Variants in CCSER1 observed in about 807,000 individuals in gnomAD.
CCSER1 encodes the protein coiled-coil serine rich protein 1, also known as serine-rich coiled-coil domain-containing protein 1.
In CCSER1, 41 loss-of-function variants were observed where a neutral mutation model predicts 82.0. That is an observed-to-expected ratio of 0.50 (90% confidence interval 0.39 to 0.65). The LOEUF (loss-of-function observed/expected upper bound fraction) is 0.65. Among genes scored for constraint, CCSER1 ranks in the 30% least tolerant of loss-of-function variants. CCSER1 has a pLI of 0.00. For missense variants in CCSER1, 1,119 were observed against 1,064.2 expected (o/e 1.05, Z -0.72); for synonymous variants, 414 against 383.9 (o/e 1.08, Z -0.92).
chr4:91,336,091 G>A (rs185303099), intron 10 of CCSER1, among the ~76,000 whole-genome samples: 85 of 152,212 alleles, frequency 5.6e-4, no homozygotes, highest in Middle Eastern at 3.4e-3. Context: ...TACATAGTAA[G>A]AGGAAAAGTT....
intron 9 of CCSER1, among the ~76,000 whole-genome samples, chr4:90,964,475 CCA>C (rs1734343253): frequency 6.6e-6 from 1 of 151,018 alleles, no homozygotes; most frequent in Admixed American, 6.6e-5. Context: ...ACTTGTAATC[CCA>C]CACTTTGGGA....
intron 1 of CCSER1, among the ~76,000 whole-genome samples, chr4:90,167,520 A>G (rs1007096784): frequency 3.3e-5 from 5 of 152,064 alleles, no homozygotes; most frequent in African/African-American, 9.7e-5. Context: ...CATGTGCACA[A>G]TGTGCAGGTT....
chr4:91,329,910 T>A (rs78003578), intron 10 of CCSER1, among the ~76,000 whole-genome samples: 3 of 152,302 alleles, frequency 2.0e-5, no homozygotes, highest in African/African-American at 7.2e-5. Flanking sequence ...TCCCAGATAT[T>A]TGCTACTTTT....
intron 4 of CCSER1, among the ~76,000 whole-genome samples, chr4:90,461,060 T>TGCTC (rs1484495341): frequency 2.1e-5 from 2 of 97,450 alleles, no homozygotes; most frequent in African/African-American, 6.0e-5. Context: ...GCTATTTTTT[T>TGCTC]TTTTTTTTTT....
chr4:90,551,472 C>T (rs1489863218), intron 5 of CCSER1, among the ~76,000 whole-genome samples: 1 of 151,886 alleles, frequency 6.6e-6, no homozygotes, highest in Non-Finnish European at 1.5e-5. Flanking sequence ...GCCCAGCCTT[C>T]CCCTTCCCAT....
At chr4:90,614,517 A>G (rs1272557037) in intron 5 of CCSER1, among the ~76,000 whole-genome samples, 1 of 152,232 alleles carries the variant, frequency 6.6e-6, no homozygotes, top group Non-Finnish European at 1.5e-5. Context: ...CAGTGAGCAC[A>G]GGAATTATAA....
chr4:90,127,592 C>G lies in CCSER1; in HGVS notation c.-281C>G, dbSNP rs1462380550. The G allele has an allele frequency of 6.5e-6, 1 of 152,950 alleles. No homozygotes were observed. Among genetic ancestry groups the G allele is most frequent in the Non-Finnish European group, 1.5e-5 (1 of 68,578 alleles). 9.5% of individuals were successfully genotyped at this position (152,950 alleles called of 1,614,324 possible). A position where few individuals can be genotyped will look rare whatever the true frequency, so the allele number is the denominator to read the frequency against. On this transcript the variant is annotated 5_prime_UTR_variant, in exon 1 of 11. Coordinates refer to ENST00000509176, the MANE Select transcript of CCSER1 (RefSeq NM_001145065.2). The stretch of plus-strand genomic sequence containing the variant: ...TCCTCTCTCTCTCTCTCTGTCTCAA[C>G]ATGACTGACTGGGAAGCGGTGGCTC...
At chr4:90,225,691 A>T (rs1743035856) in intron 1 of CCSER1, among the ~76,000 whole-genome samples, 1 of 152,106 alleles carries the variant, frequency 6.6e-6, no homozygotes, top group African/African-American at 2.4e-5. Flanking sequence ...TTTGGTATAG[A>T]TCCTACTTGC....
chr4:90,459,709 T>G (rs555477847), intron 4 of CCSER1, among the ~76,000 whole-genome samples: 1 of 152,318 alleles, frequency 6.6e-6, no homozygotes, highest in Non-Finnish European at 1.5e-5. Context: ...ATAATGACAA[T>G]ATTTTAACTT....
chr4:90,173,574 A>C (rs1732136780), intron 1 of CCSER1, among the ~76,000 whole-genome samples: 1 of 151,900 alleles, frequency 6.6e-6, no homozygotes, highest in Non-Finnish European at 1.5e-5. Context: ...GTCTCAGACA[A>C]GTACTAGGAC....
intron 5 of CCSER1, among the ~76,000 whole-genome samples, chr4:90,573,477 T>C (rs1244621140): frequency 2.0e-5 from 3 of 152,204 alleles, no homozygotes; most frequent in Admixed American, 2.0e-4. Context: ...ATATTATCTC[T>C]CTCTATGCTG....
At chr4:90,957,763 T>G (rs960800369) in intron 9 of CCSER1, among the ~76,000 whole-genome samples, 2 of 149,140 alleles carry the variant, frequency 1.3e-5, no homozygotes, top group African/African-American at 4.9e-5. Context: ...ATTTGGATTT[T>G]TAAACTGAAA....
chr4:90,171,072 G>GA (rs1731570499), intron 1 of CCSER1, among the ~76,000 whole-genome samples: 1 of 151,342 alleles, frequency 6.6e-6, no homozygotes, highest in Non-Finnish European at 1.5e-5. Context: ...TGACTTTTAT[G>GA]CATTTATGCC....
intron 7 of CCSER1, among the ~76,000 whole-genome samples, chr4:90,777,740 G>C (rs959228860): frequency 6.6e-6 from 1 of 151,950 alleles, no homozygotes; most frequent in Non-Finnish European, 1.5e-5. Flanking sequence ...AGAATTTTCA[G>C]CGTATTGTAC....
intron 6 of CCSER1, among the ~76,000 whole-genome samples, chr4:90,718,367 T>C (rs915011688): frequency 3.9e-5 from 6 of 152,098 alleles, no homozygotes; most frequent in African/African-American, 1.4e-4. Flanking sequence ...AAATAAACTT[T>C]AATCCCATAG....
intron 10 of CCSER1, among the ~76,000 whole-genome samples, chr4:91,126,453 T>C (rs1339235826): frequency 6.6e-6 from 1 of 151,902 alleles, no homozygotes; most frequent in East Asian, 1.9e-4. Flanking sequence ...TGATAAGAAT[T>C]TCCAAATATG....
At chr4:90,290,017 A>G (rs1730617970) in intron 1 of CCSER1, among the ~76,000 whole-genome samples, 1 of 151,876 alleles carries the variant, frequency 6.6e-6, no homozygotes, top group African/African-American at 2.4e-5. Flanking sequence ...CACATTAGGT[A>G]TACATATTTT....
intron 9 of CCSER1, among the ~76,000 whole-genome samples, chr4:90,939,368 T>G (rs758771647): frequency 6.6e-6 from 1 of 152,206 alleles, no homozygotes; most frequent in Non-Finnish European, 1.5e-5. Flanking sequence ...GTCTCCTGAA[T>G]GTATCCTAAA....
chr4:90,686,855 C>G (rs1183690460), intron 6 of CCSER1, among the ~76,000 whole-genome samples: 1 of 152,154 alleles, frequency 6.6e-6, no homozygotes, highest in Non-Finnish European at 1.5e-5. Context: ...AAGTCTGTTA[C>G]TTGTGGCAGC....
Sources: allele counts gnomAD v4.1 joint callset (sites outside exome capture counted in the v4.1 genomes callset), GRCh38; gene constraint gnomAD v4.1.1; transcripts MANE v1.5; gene names NCBI Gene and HGNC (gene_info 2026-07-23, HGNC 2026-07-21).